The following SLC23A2 variants were observed in gnomAD, a reference collection of about 807,000 sequenced individuals.
The protein encoded by SLC23A2 is Na(+)/L-ascorbic acid transporter 2.
SLC23A2 carries 36 observed loss-of-function variants against 73.3 expected under a neutral mutation model. That is an observed-to-expected ratio of 0.49 (90% CI 0.38 to 0.65). The LOEUF is 0.65. SLC23A2 is among the 30% of genes least tolerant of loss of function. The pLI is 0.00. For missense variants in SLC23A2, 507 were observed against 841.6 expected, an observed-to-expected ratio of 0.60 and a Z score of 4.92; for synonymous variants, 343 against 327.3, an observed-to-expected ratio of 1.05 and a Z score of -0.52.
intron 11 of SLC23A2, 170 bp downstream of exon 11, chr20:4,873,766 T>C (rs1930543624): frequency 7.0e-6 from 4 of 573,140 alleles, no homozygotes; most frequent in Non-Finnish European, 9.0e-6. Flanking sequence ...TGTTGGTTTC[T>C]GCCCTCTGGG....
At chr20:4,953,484 TTA>T (rs2087234775) in intron 2 of SLC23A2, among the ~76,000 whole-genome samples, 1 of 152,150 alleles carries the variant, frequency 6.6e-6, no homozygotes, top group African/African-American at 2.4e-5. Context: ...AGGTTTTTTT[TTA>T]TGTTTTTCAC....
chr20:5,006,456 G>T (rs192720932), upstream of SLC23A2, among the ~76,000 whole-genome samples: 3 of 151,948 alleles, frequency 2.0e-5, no homozygotes, highest in Non-Finnish European at 4.4e-5. Context: ...AGAATTTGGG[G>T]GGTGGGGAAA....
chr20:4,888,423 G>A (rs1931189020), intron 6 of SLC23A2, among the ~76,000 whole-genome samples: 1 of 152,212 alleles, frequency 6.6e-6, no homozygotes, highest in African/African-American at 2.4e-5. Flanking sequence ...AAGAGGCAGT[G>A]GGTTTCTGCA....
In SLC23A2 at chr20:4,859,285, G is replaced by T; in HGVS notation, c.1720+4C>A. 3 of 1,518,650 alleles carry T rather than the reference G, an allele frequency of 2.0e-6. No individual in the cohort carries two copies. The highest frequency in any genetic ancestry group is 2.2e-5 in the South Asian group (2 of 89,124). The allele number at this position is 1,518,650 out of a possible 1,614,324, so 94.1% of individuals were successfully genotyped here. ...AAAAAGTGTGTTTGATATATACCACGTACCTGGGATGGTGTTATCCAGGAT... is the reference window on the plus strand; with the variant it reads ...AAAAAGTGTGTTTGATATATACCACTTACCTGGGATGGTGTTATCCAGGAT... On this transcript the variant is annotated splice_donor_region_variant and intron_variant, in intron 16 of 16. Coordinates refer to ENST00000338244, the MANE Select transcript of SLC23A2 (RefSeq NM_005116.6).
At chr20:4,874,221 T>G in intron 10 of SLC23A2, 129 bp from the exon 11 acceptor site, 2 of 775,692 alleles carry the variant, frequency 2.6e-6, no homozygotes, top group East Asian at 2.6e-5. Flanking sequence ...AGACCTTCCT[T>G]GAATGGACTC....
chr20:5,004,569 G>T (rs2088169099), upstream of SLC23A2, among the ~76,000 whole-genome samples: 1 of 152,100 alleles, frequency 6.6e-6, no homozygotes, highest in Non-Finnish European at 1.5e-5. Context: ...TTGGAGACCA[G>T]GCACAGTAGT....
At chr20:4,919,747 T>A (rs1932442468) in intron 3 of SLC23A2, among the ~76,000 whole-genome samples, 1 of 152,126 alleles carries the variant, frequency 6.6e-6, no homozygotes, top group African/African-American at 2.4e-5. Context: ...CGCAGCACAT[T>A]ACAGCACTCC....
chr20:4,926,110 G>A (rs1932661425), intron 3 of SLC23A2, among the ~76,000 whole-genome samples: 1 of 152,206 alleles, frequency 6.6e-6, no homozygotes, highest in Non-Finnish European at 1.5e-5. Flanking sequence ...GGTAAGATGA[G>A]AAGTGGTCGG....
At chr20:4,870,096 C>T (rs372776937) in intron 11 of SLC23A2, 43 bp from the exon 12 acceptor site, 57 of 1,519,988 alleles carry the variant, frequency 3.8e-5, no homozygotes, top group African/African-American at 3.6e-4. Context: ...GAGAGGCAGG[C>T]GAAAGTGACC....
chr20:4,869,343 A>C (rs79017057), intron 12 of SLC23A2, among the ~76,000 whole-genome samples: 2,686 of 149,598 alleles, frequency 0.018, 65 homozygotes, highest in African/African-American at 0.064. Context: ...CAAAAAAAAA[A>C]CAAAAAAAAC....
chr20:4,937,172 C>T (rs1280166749), intron 2 of SLC23A2, among the ~76,000 whole-genome samples: 2 of 151,942 alleles, frequency 1.3e-5, no homozygotes, highest in African/African-American at 4.8e-5. Flanking sequence ...ACAGGATGAG[C>T]GTGGTGTGTA....
intron 2 of SLC23A2, among the ~76,000 whole-genome samples, chr20:4,933,457 A>C (rs1434438080): frequency 4.0e-5 from 6 of 151,830 alleles, no homozygotes; most frequent in Non-Finnish European, 7.4e-5. Flanking sequence ...CTACTAAAAA[A>C]AAAAATAATA....
chr20:5,000,913 G>C (rs1443519600), intron 1 of SLC23A2, among the ~76,000 whole-genome samples: 2 of 152,152 alleles, frequency 1.3e-5, no homozygotes, highest in Admixed American at 1.3e-4. Context: ...AATGTAAAAG[G>C]CACCCTCTTG....
In SLC23A2 at chr20:4,869,893, C is replaced by A; in HGVS notation, c.1250+13G>T. 1 of 1,604,686 alleles carries A rather than the reference C, an allele frequency of 6.2e-7. No individual in the cohort carries two copies. Among genetic ancestry groups the A allele is most frequent in the South Asian group, 1.1e-5 (1 of 90,504 alleles). On this transcript the variant is annotated intron_variant, in intron 12 of 16. Transcript: ENST00000338244. ...CTGGGACCAATCAGGAACTTGTCTT[C>A]TCAGGAACGTACCTGTTTATTGCGT...
chr20:4,929,920 A>C (rs956410507), intron 3 of SLC23A2, among the ~76,000 whole-genome samples: 2 of 152,162 alleles, frequency 1.3e-5, no homozygotes, highest in East Asian at 3.9e-4. Flanking sequence ...GTGGAGGGCA[A>C]ACTACAATTA....
At position 4,902,357 on chromosome 20, in the gene SLC23A2, C is replaced by G; in HGVS notation, c.324+85G>C. 1 of 788,584 alleles carries G rather than the reference C, an allele frequency of 1.3e-6. No homozygotes were observed. The highest frequency in any genetic ancestry group is 2.1e-6 in the Non-Finnish European group (1 of 478,578). The allele number at this position is 788,584 out of a possible 1,614,324, so 48.8% of individuals were successfully genotyped here. On this transcript the variant is annotated intron_variant, in intron 5 of 16. Coordinates refer to ENST00000338244, the MANE Select transcript of SLC23A2 (RefSeq NM_005116.6). This position sits in a 1 kb window ranked among gnomAD's most constrained non-coding sequence, Gnocchi z 4.0. ...TATAAAAGTCTTCAATAAACAAAAA[C>G]CAAAGTGGAATTTTTAAACAATTCC...
chr20:4,872,002 A>AT lies in SLC23A2; in HGVS notation c.1102+1933dup, dbSNP rs71332851. On this transcript the variant is annotated intron_variant, in intron 11 of 16. Transcript: ENST00000338244. The surrounding 1 kb of genome is among the most constrained non-coding windows in gnomAD (Gnocchi z 4.4). ...TATATATCTATATATCTATATCTAT[A>AT]TTTTTTTTTCTTAAAGACCTTGTTG... is the stretch of plus-strand genomic sequence containing the variant. Among the ~76,000 whole-genome samples the AT allele has an allele frequency of 0.053, 8,037 of 151,040 alleles. 278 individuals are homozygous for AT. The highest frequency in any genetic ancestry group is 0.068 in the Non-Finnish European group (4,616 of 67,694).
chr20:4,926,510 C>CTTTTTTTTTTTTTTTTT (rs3055953), intron 3 of SLC23A2, among the ~76,000 whole-genome samples: 2 of 105,024 alleles, frequency 1.9e-5, no homozygotes, highest in Non-Finnish European at 1.9e-5. Context: ...ATTTTTTTTG[C>CTTTTTTTTTTTTTTTTT]TTTTTTTTTT....
intron 11 of SLC23A2, among the ~76,000 whole-genome samples, chr20:4,873,127 A>G (rs913959628): frequency 6.6e-6 from 1 of 152,224 alleles, no homozygotes; most frequent in Admixed American, 6.5e-5. Flanking sequence ...TCATCATTCA[A>G]CATGCTCAGA....
Sources: allele counts gnomAD v4.1 joint callset (sites outside exome capture counted in the v4.1 genomes callset), GRCh38; gene constraint gnomAD v4.1.1; non-coding constraint Gnocchi (gnomAD v3.1); transcripts MANE v1.5; gene names NCBI Gene and HGNC (gene_info 2026-07-23, HGNC 2026-07-21).